The following ST7 variants were observed in gnomAD, a reference collection of about 807,000 sequenced individuals.
ST7 encodes the protein suppression of tumorigenicity 7.
ST7 carries 28 observed loss-of-function variants against 78.7 expected under a neutral mutation model. That is an observed-to-expected ratio of 0.36 (90% CI 0.26 to 0.49). The LOEUF is 0.49. Among genes scored for constraint, ST7 ranks in the 20% least tolerant of loss-of-function variants. The pLI is 0.99. For synonymous variants in ST7, 247 were observed against 249.6 expected (o/e 0.99, Z 0.10); for missense variants, 418 against 696.0 (o/e 0.60, Z 4.49).
At chr7:117,031,406 A>G (rs1179621606) in intron 1 of ST7, among the ~76,000 whole-genome samples, 11,836 of 13,892 alleles carry the variant, frequency 0.85, 5,404 homozygotes, top group East Asian at 0.99. Context: ...GTGCATATAT[A>G]CGCATATATG....
intron 3 of ST7, among the ~76,000 whole-genome samples, chr7:117,121,419 T>C (rs547096438): frequency 6.6e-6 from 1 of 152,300 alleles, no homozygotes; most frequent in South Asian, 2.1e-4. Context: ...GTACTACTCA[T>C]AGCTGGCTGG....
chr7:117,100,944 G>A (rs1248955913), intron 2 of ST7, among the ~76,000 whole-genome samples: 1 of 152,202 alleles, frequency 6.6e-6, no homozygotes, highest in African/African-American at 2.4e-5. Flanking sequence ...AGAAGTGGAT[G>A]ATCAGAAGAA....
intron 1 of ST7, among the ~76,000 whole-genome samples, chr7:117,065,567 T>G (rs934230978): frequency 1.3e-5 from 2 of 152,196 alleles, no homozygotes; most frequent in Non-Finnish European, 2.9e-5. Flanking sequence ...TTCTATCCAG[T>G]GCAGGCTGCA....
At chr7:117,116,703 G>C (rs1035472422) in intron 2 of ST7, among the ~76,000 whole-genome samples, 1 of 152,128 alleles carries the variant, frequency 6.6e-6, no homozygotes, top group African/African-American at 2.4e-5. Context: ...AGCAGGGGCT[G>C]TACTATTGCA....
intron 1 of ST7, among the ~76,000 whole-genome samples, chr7:117,071,105 G>C (rs1040736323): frequency 2.0e-5 from 3 of 151,984 alleles, no homozygotes; most frequent in African/African-American, 7.2e-5. Flanking sequence ...TGTAGTCCCA[G>C]CTACTCGGGA....
intron 12 of ST7, among the ~76,000 whole-genome samples, chr7:117,194,784 T>C (rs921015630): frequency 2.0e-5 from 3 of 152,200 alleles, no homozygotes; most frequent in Admixed American, 6.5e-5. Context: ...CACTCTGCTC[T>C]TCCTCAGCAG....
intron 1 of ST7, among the ~76,000 whole-genome samples, chr7:116,985,266 G>A (rs1330911955): frequency 6.6e-6 from 1 of 152,106 alleles, no homozygotes; most frequent in Non-Finnish European, 1.5e-5. Flanking sequence ...ATGATGAGAT[G>A]GGAAGAATTA....
chr7:116,996,248 A>AT (rs926194650), intron 1 of ST7, among the ~76,000 whole-genome samples: 4 of 151,900 alleles, frequency 2.6e-5, no homozygotes, highest in African/African-American at 7.3e-5. Context: ...CACCCGGCTA[A>AT]TTTTTTGTAT....
At chr7:117,111,042 C>T (rs1802388625) in intron 2 of ST7, among the ~76,000 whole-genome samples, 1 of 152,192 alleles carries the variant, frequency 6.6e-6, no homozygotes, top group Admixed American at 6.5e-5. Flanking sequence ...TAAATAACTA[C>T]AGTGTGTACA....
intron 1 of ST7, among the ~76,000 whole-genome samples, chr7:117,034,764 T>C (rs1796790920): frequency 6.6e-6 from 1 of 152,216 alleles, no homozygotes; most frequent in Non-Finnish European, 1.5e-5. Flanking sequence ...TTTGCATTAT[T>C]TGACCTCCAT....
intron 12 of ST7, among the ~76,000 whole-genome samples, chr7:117,205,477 A>G (rs1468923073): frequency 6.6e-6 from 1 of 152,224 alleles, no homozygotes; most frequent in Non-Finnish European, 1.5e-5. Flanking sequence ...AAATAGTTGT[A>G]TGAGTTAATT....
chr7:117,040,853 C>G (rs960417313), intron 1 of ST7, among the ~76,000 whole-genome samples: 2 of 152,216 alleles, frequency 1.3e-5, no homozygotes, highest in Admixed American at 1.3e-4. Flanking sequence ...AATCTACTAT[C>G]TTGAAGAATA....
At chr7:117,169,134 T>C in intron 9 of ST7, among the ~76,000 whole-genome samples, 1 of 138,666 alleles carries the variant, frequency 7.2e-6, no homozygotes, top group Admixed American at 7.1e-5. Flanking sequence ...TTTAATCTTC[T>C]TCCTTTTTTT....
In ST7 at chr7:117,119,675, A is replaced by C. The variant is rs374775158; in HGVS notation, c.349A>C (p.Asn117His). 6.2e-7 allele frequency: 1 copy of C among 1,613,762 alleles called. No homozygotes were observed. The highest frequency in any genetic ancestry group is 8.5e-7 in the Non-Finnish European group (1 of 1,179,968). Reference protein sequence around the residue: ...GVDNNSSNNSNSSNGDSDSNR... With the variant: ...GVDNNSSNNSHSSNGDSDSNR... ...TGACAACAACTCTTCCAACAATTCT[A>C]ATTCCAGTAACGGGGACTCAGATTC... The change falls in exon 3 of 16, where the codon AAT becomes CAT. Residue 117 changes from asparagine to histidine, a missense_variant. Coordinates refer to ENST00000323984, the MANE Select transcript of ST7 (RefSeq NM_001369598.1).
chr7:116,983,433 C>T (rs1199569054), intron 1 of ST7, among the ~76,000 whole-genome samples: 1 of 152,128 alleles, frequency 6.6e-6, no homozygotes, highest in Non-Finnish European at 1.5e-5. Context: ...GCTCTGATAT[C>T]ACATGCTTGG....
Position 116,961,898 on chromosome 7 carries a change from T to A in ST7, c.151+8207T>A, listed in dbSNP as rs538516446. Among the ~76,000 whole-genome samples, 14 of 152,154 alleles carry A rather than the reference T, an allele frequency of 9.2e-5. No homozygotes were observed. In the South Asian group the frequency reaches 2.5e-3, roughly 27 times the overall value. ...CGTCATCTAGGTTTTAACCCCTGCA[T>A]GCATTAGCTATTTCTTCTAATGTTC... On this transcript the variant is annotated intron_variant, in intron 1 of 15. Transcript: ENST00000323984.
intron 1 of ST7, among the ~76,000 whole-genome samples, chr7:116,994,222 T>C (rs1794550785): frequency 6.6e-6 from 1 of 152,214 alleles, no homozygotes; most frequent in Non-Finnish European, 1.5e-5. Context: ...TGAATTTGAC[T>C]ACACTAGGAG....
intron 3 of ST7, among the ~76,000 whole-genome samples, chr7:117,122,106 G>A (rs879492870): frequency 2.0e-5 from 3 of 152,248 alleles, no homozygotes; most frequent in Middle Eastern, 3.4e-3. Context: ...CATTTGATTT[G>A]GATAGTGATT....
intron 9 of ST7, among the ~76,000 whole-genome samples, chr7:117,152,177 C>CTATATATATATATATA (rs58892731): frequency 4.5e-5 from 3 of 66,858 alleles, no homozygotes; most frequent in African/African-American, 1.0e-4. Context: ...TATATAAAAA[C>CTATATATATATATATA]TATATATATA....
Sources: allele counts gnomAD v4.1 joint callset (sites outside exome capture counted in the v4.1 genomes callset), GRCh38; gene constraint gnomAD v4.1.1; transcripts MANE v1.5; gene names NCBI Gene and HGNC (gene_info 2026-07-23, HGNC 2026-07-21).